Variants in RMND1 observed in about 807,000 individuals in gnomAD.
The protein encoded by RMND1 is required for meiotic nuclear division 1 homolog.
Under a neutral mutation model 54.0 loss-of-function variants are expected in RMND1, and 41 were observed. The ratio of observed to expected loss-of-function variants is 0.76; its 90% CI spans 0.59 to 0.98. The LOEUF is 0.98. Ranked by LOEUF, RMND1 falls within the 50% of genes least tolerant of loss-of-function variation. The pLI is 0.00. For missense variants in RMND1, 457 were observed against 532.0 expected (o/e 0.86, Z 1.39); for synonymous variants, 183 against 181.7 (o/e 1.01, Z -0.06).
chr6:151,411,078 G>A (rs1779817589), intron 10 of RMND1, among the ~76,000 whole-genome samples: 1 of 152,106 alleles, frequency 6.6e-6, no homozygotes, highest in African/African-American at 2.4e-5. Flanking sequence ...TAGTGCCTCA[G>A]CCCCTCAAGT....
intron 6 of RMND1, 124 bp from the exon 7 acceptor site, chr6:151,423,755 A>AT: frequency 1.5e-6 from 1 of 689,284 alleles, no homozygotes; most frequent in Non-Finnish European, 2.6e-6. Context: ...AGTGTTACAA[A>AT]TGTTCTCATA....
In RMND1 at chr6:151,422,108, T is replaced by G. The variant is rs1009696515; in HGVS notation, c.1002+433A>C. On this transcript the variant is annotated intron_variant, in intron 8 of 11. Transcript: ENST00000444024. ...GTAGTTTTCTTATTGTTTGTAATAA[T>G]GTTGTTGTACTCCTAAACAATCGGC... 3.9e-5 allele frequency among the ~76,000 whole-genome samples: 6 copies of G among 152,350 alleles called. No individual in the cohort carries two copies. The South Asian group carries it at 1.2e-3, about 32-fold the overall frequency.
rs781713583 is a variant in RMND1, at chr6:151,405,717, T to TA, written c.1317+2dup. The TA allele has an allele frequency of 7.2e-7, 1 of 1,384,840 alleles. No homozygotes were observed. 85.8% of individuals were successfully genotyped at this position (1,384,840 alleles called of 1,614,324 possible). A position where few individuals can be genotyped will look rare whatever the true frequency, so the allele number is the denominator to read the frequency against. On this transcript the variant is annotated splice_region_variant and intron_variant, in intron 11 of 11. Coordinates refer to ENST00000444024, the MANE Select transcript of RMND1 (RefSeq NM_017909.4). The stretch of plus-strand genomic sequence containing the variant: ...ATCATAGTACAGAGCATTTCCATCT[T>TA]ACCTCTATGGTAATGAGGATGACAA...
chr6:151,433,956 C>A (rs1780525169), intron 3 of RMND1, among the ~76,000 whole-genome samples: 1 of 144,184 alleles, frequency 6.9e-6, no homozygotes, highest in Non-Finnish European at 1.5e-5. Context: ...CCCGCCCCAC[C>A]CACCTCAGCC....
intron 10 of RMND1, among the ~76,000 whole-genome samples, chr6:151,416,064 C>T (rs529713702): frequency 6.6e-6 from 1 of 152,100 alleles, no homozygotes; most frequent in African/African-American, 2.4e-5. Context: ...CTGCAACCTC[C>T]ACTTCCTGGG....
intron 10 of RMND1, 132 bp downstream of exon 10, chr6:151,417,147 A>C (rs1442034058): frequency 1.0e-6 from 1 of 986,822 alleles, no homozygotes; most frequent in East Asian, 2.5e-5. Context: ...GACTGTACAG[A>C]GGACAAGAAG....
intron 1 of RMND1, among the ~76,000 whole-genome samples, chr6:151,450,654 G>C (rs1328201067): frequency 2.2e-4 from 33 of 151,128 alleles, no homozygotes; most frequent in Non-Finnish European, 5.9e-5. Flanking sequence ...GCCCCTACTG[G>C]GATGTGAGGA....
At chr6:151,424,590 G>A (rs1036207631) in intron 6 of RMND1, among the ~76,000 whole-genome samples, 2 of 152,112 alleles carry the variant, frequency 1.3e-5, no homozygotes, top group Non-Finnish European at 2.9e-5. Context: ...TGGAAGGATA[G>A]TTAATAAAAA....
intron 10 of RMND1, among the ~76,000 whole-genome samples, chr6:151,407,757 A>T (rs2114912244): frequency 6.6e-6 from 1 of 152,016 alleles, no homozygotes; most frequent in East Asian, 1.9e-4. Context: ...AATACAAAAA[A>T]ATTATCCGGG....
chr6:151,428,725 G>A (rs1257586076), intron 5 of RMND1, among the ~76,000 whole-genome samples: 1 of 152,032 alleles, frequency 6.6e-6, no homozygotes, highest in South Asian at 2.1e-4. Flanking sequence ...GTAGAGATGG[G>A]ATCTCACTGT....
chr6:151,438,870 T>G (rs9637989), intron 2 of RMND1, among the ~76,000 whole-genome samples: 2 of 151,640 alleles, frequency 1.3e-5, no homozygotes, highest in African/African-American at 4.8e-5. Context: ...TCCCAGAACT[T>G]TGGGAGGCTG....
At chr6:151,427,697 C>T (rs1162791548) in intron 5 of RMND1, 115 bp from the exon 6 acceptor site, 6 of 627,684 alleles carry the variant, frequency 9.6e-6, no homozygotes, top group Non-Finnish European at 1.6e-5. Context: ...ATTTCTGTTG[C>T]ATGTTTTTAA....
chr6:151,412,148 T>C (rs1254176127), intron 10 of RMND1, among the ~76,000 whole-genome samples: 1 of 152,092 alleles, frequency 6.6e-6, no homozygotes, highest in Non-Finnish European at 1.5e-5. Flanking sequence ...ATTACAGGCG[T>C]CCACCACCAT....
At chr6:151,451,760 T>A (rs1164483285) in intron 1 of RMND1, among the ~76,000 whole-genome samples, 1 of 152,328 alleles carries the variant, frequency 6.6e-6, no homozygotes, top group African/African-American at 2.4e-5. Context: ...TTTGGGAGTA[T>A]GCCGTTCAAT....
chr6:151,407,709 C>A (rs761692685), intron 10 of RMND1, among the ~76,000 whole-genome samples: 20 of 152,152 alleles, frequency 1.3e-4, no homozygotes, highest in Non-Finnish European at 2.5e-4. Flanking sequence ...AGATCAAGAC[C>A]ATCCTGGCTA....
intron 2 of RMND1, among the ~76,000 whole-genome samples, chr6:151,440,778 T>G (rs1780752376): frequency 6.6e-6 from 1 of 152,258 alleles, no homozygotes; most frequent in South Asian, 2.1e-4. Context: ...TTTTTTTATT[T>G]TAGCCTATTT....
At chr6:151,446,069 ACCTT>A in intron 1 of RMND1, 2 of 384,162 alleles carry the variant, frequency 5.2e-6, no homozygotes, top group Non-Finnish European at 4.7e-6. Flanking sequence ...CATAACAAGA[ACCTT>A]AAAAAAAATA....
At chr6:151,450,722 C>G (rs1447836455) in intron 1 of RMND1, among the ~76,000 whole-genome samples, 2 of 151,428 alleles carry the variant, frequency 1.3e-5, no homozygotes, top group East Asian at 1.9e-4. Flanking sequence ...TCATTGAGAA[C>G]GGGACGGGAT....
chr6:151,430,251 G>A (rs746535635), intron 4 of RMND1, 74 bp from the exon 5 acceptor site: 9 of 1,045,634 alleles, frequency 8.6e-6, no homozygotes, highest in Non-Finnish European at 1.3e-5. Context: ...ATAAAACCAT[G>A]TAACTTCTAG....
Sources: allele counts gnomAD v4.1 joint callset (sites outside exome capture counted in the v4.1 genomes callset), GRCh38; gene constraint gnomAD v4.1.1; transcripts MANE v1.5; gene names NCBI Gene and HGNC (gene_info 2026-07-23, HGNC 2026-07-21).